PRIM2: variants seen among roughly 807,000 people sequenced by gnomAD.
PRIM2 encodes DNA primase subunit 2.
PRIM2 carries 39 observed loss-of-function variants against 67.3 expected under a neutral mutation model. That is an observed-to-expected ratio of 0.58 (90% CI 0.45 to 0.76). PRIM2 has a LOEUF of 0.76. Ranked by LOEUF, PRIM2 falls within the 30% of genes least tolerant of loss-of-function variation. The probability of loss-of-function intolerance (pLI) is 0.00; values close to 1 mark genes in which losing one functional copy is unlikely to be tolerated. For missense variants in PRIM2, 398 were observed against 598.7 expected (o/e 0.66, Z 3.50); for synonymous variants, 143 against 198.7 (o/e 0.72, Z 2.36).
chr6:57,309,020 GAGA>G, the PRIM2 span, among the ~76,000 whole-genome samples: 1 of 151,692 alleles, frequency 6.6e-6, no homozygotes, highest in African/African-American at 2.4e-5. Context: ...TAATAGTGGA[GAGA>G]AGGTCAGCAG....
the PRIM2 span, among the ~76,000 whole-genome samples, chr6:57,250,205 A>G: frequency 6.6e-6 from 1 of 152,150 alleles, no homozygotes; most frequent in South Asian, 2.1e-4. Flanking sequence ...AAATATTGCT[A>G]TTTCTTCAAT....
At chr6:57,404,940 T>C (rs1271719313) in intron 7 of PRIM2, among the ~76,000 whole-genome samples, 1 of 148,286 alleles carries the variant, frequency 6.7e-6, no homozygotes, top group African/African-American at 2.5e-5. Flanking sequence ...ACTTAAGAAT[T>C]ATAATTACCC....
At chr6:57,356,465 C>T (rs961872344) in intron 5 of PRIM2, among the ~76,000 whole-genome samples, 2 of 152,012 alleles carry the variant, frequency 1.3e-5, no homozygotes, top group Non-Finnish European at 2.9e-5. Flanking sequence ...CCCCCAATAC[C>T]CACTTGAGTT....
chr6:57,502,853 A>G (rs1164026527), intron 7 of PRIM2, among the ~76,000 whole-genome samples: 13 of 152,230 alleles, frequency 8.5e-5, no homozygotes, highest in African/African-American at 3.1e-4. Context: ...CTTTTGAACC[A>G]GGAGGTCACA....
At chr6:57,475,611 C>A (rs1347757750) in intron 7 of PRIM2, among the ~76,000 whole-genome samples, 1 of 152,178 alleles carries the variant, frequency 6.6e-6, no homozygotes, top group African/African-American at 2.4e-5. Flanking sequence ...TTGTGCATTT[C>A]ACTTCTCAAA....
At chr6:57,617,650 G>T (rs1776778494) in intron 12 of PRIM2, among the ~76,000 whole-genome samples, 1 of 152,148 alleles carries the variant, frequency 6.6e-6, no homozygotes, top group Admixed American at 6.5e-5. Flanking sequence ...TTGGATACAA[G>T]ACTCTTATCA....
At chr6:57,368,315 C>G (rs1405685932) in intron 5 of PRIM2, among the ~76,000 whole-genome samples, 1 of 151,960 alleles carries the variant, frequency 6.6e-6, no homozygotes, top group Admixed American at 6.6e-5. Context: ...GGGCTTCAGT[C>G]TGTAGGTCTG....
intron 5 of PRIM2, among the ~76,000 whole-genome samples, chr6:57,343,330 A>G (rs1401484118): frequency 6.6e-6 from 1 of 152,224 alleles, no homozygotes; most frequent in Non-Finnish European, 1.5e-5. Flanking sequence ...AAATATGAAC[A>G]TCCCATGCAT....
chr6:57,355,930 C>T (rs546485157), intron 5 of PRIM2, among the ~76,000 whole-genome samples: 11 of 152,302 alleles, frequency 7.2e-5, no homozygotes, highest in African/African-American at 2.4e-4. Flanking sequence ...GTATGAGCCA[C>T]TGTGCCTGGC....
the PRIM2 span, among the ~76,000 whole-genome samples, chr6:57,263,598 C>T: frequency 6.6e-6 from 1 of 152,164 alleles, no homozygotes; most frequent in Non-Finnish European, 1.5e-5. Context: ...TCTGCAAAGG[C>T]CCTGTTTCCA....
At chr6:57,637,463 A>G (rs1285388862) in intron 13 of PRIM2, among the ~76,000 whole-genome samples, 64,258 of 151,930 alleles carry the variant, frequency 0.42, 13,848 homozygotes, top group East Asian at 0.67. Flanking sequence ...CCTCCTCCGA[A>G]CTAAAGGAGC....
intron 5 of PRIM2, among the ~76,000 whole-genome samples, chr6:57,336,542 G>A (rs1158418729): frequency 4.6e-5 from 7 of 152,138 alleles, no homozygotes; most frequent in Non-Finnish European, 1.0e-4. Flanking sequence ...AGAAGAGAGT[G>A]GGGGCCAATA....
intron 7 of PRIM2, among the ~76,000 whole-genome samples, chr6:57,483,451 T>A (rs1167208386): frequency 0.51 from 77,785 of 151,890 alleles, 21,149 homozygotes; most frequent in African/African-American, 0.71. Context: ...TTATCTTTAA[T>A]AATATTATGG....
intron 7 of PRIM2, among the ~76,000 whole-genome samples, chr6:57,483,243 A>G (rs1260756070): frequency 0.019 from 2,872 of 152,164 alleles, 110 homozygotes; most frequent in African/African-American, 0.064. Context: ...ATGATTCTAG[A>G]TTATTTATTT....
At chr6:57,380,024 G>T in intron 6 of PRIM2, 28 bp downstream of exon 6, 1 of 1,525,014 alleles carries the variant, frequency 6.6e-7, no homozygotes, top group Admixed American at 2.2e-5. Flanking sequence ...ATACTTCCTA[G>T]GTTTTGTTAA....
At chr6:57,502,574 A>G (rs1289839331) in intron 7 of PRIM2, among the ~76,000 whole-genome samples, 3 of 152,126 alleles carry the variant, frequency 2.0e-5, no homozygotes, top group Non-Finnish European at 4.4e-5. Context: ...TCTCATAAAT[A>G]TTCATGACTC....
At chr6:57,373,556 A>G (rs1187197529) in intron 5 of PRIM2, among the ~76,000 whole-genome samples, 5 of 151,816 alleles carry the variant, frequency 3.3e-5, no homozygotes, top group East Asian at 3.9e-4. Flanking sequence ...GGTAATGCCA[A>G]TTCTGGGGTT....
the PRIM2 span, among the ~76,000 whole-genome samples, chr6:57,231,465 A>G: frequency 3.3e-5 from 5 of 152,232 alleles, no homozygotes; most frequent in Non-Finnish European, 7.3e-5. Flanking sequence ...AAAGGGCTAA[A>G]TTTCTTTAAT....
At chr6:57,375,825 C>T (rs1416557447) in intron 5 of PRIM2, among the ~76,000 whole-genome samples, 2 of 151,838 alleles carry the variant, frequency 1.3e-5, no homozygotes, top group Non-Finnish European at 2.9e-5. Context: ...TAATCTTAGC[C>T]TATTGGGAGG....
Sources: gnomAD v4.1 joint callset for allele counts (sites outside exome capture counted in the v4.1 genomes callset) on GRCh38, gnomAD v4.1.1 for gene constraint, MANE v1.5 for transcripts, NCBI Gene and HGNC (gene_info 2026-07-23, HGNC 2026-07-21) for gene names.